Variants in FANCI observed in about 807,000 individuals in gnomAD.
FANCI encodes the protein Fanconi anemia group I protein.
In FANCI, 156 loss-of-function variants were observed where a neutral mutation model predicts 176.1. That is an observed-to-expected ratio of 0.89 (90% CI 0.78 to 1.01). The LOEUF (loss-of-function observed/expected upper bound fraction) is 1.01. FANCI is among the 50% of genes least tolerant of loss of function. FANCI has a pLI of 0.00. For synonymous variants in FANCI, 613 were observed against 541.7 expected, an observed-to-expected ratio of 1.13 and a Z score of -1.83; for missense variants, 1,678 against 1,534.1, an observed-to-expected ratio of 1.09 and a Z score of -1.57.
At position 89,300,315 on chromosome 15, in the gene FANCI, AAGG is replaced by A. The variant is rs769118889; in HGVS notation, c.2822_2824del (p.Gly941del). ...CCATTCCTAGATGTCACAGATAAGG[AAGG>A]AGAAGAGAGAGAAGATGCAGATGTC... On this transcript the variant is annotated inframe_deletion, in exon 26 of 38. Coordinates refer to ENST00000310775, the MANE Select transcript of FANCI (RefSeq NM_001113378.2). 56 of 1,613,712 alleles carry A rather than the reference AAGG, an allele frequency of 3.5e-5. No individual in the cohort carries two copies. The highest frequency in any genetic ancestry group is 4.7e-5 in the Non-Finnish European group (55 of 1,179,742).
At chr15:89,272,280 G>A (rs771866463) in intron 10 of FANCI, among the ~76,000 whole-genome samples, 2 of 152,010 alleles carry the variant, frequency 1.3e-5, no homozygotes, top group Admixed American at 6.6e-5. Flanking sequence ...TCTTTTGCCC[G>A]TTTTTTGAGT....
chr15:89,291,854 C>G, intron 20 of FANCI, 140 bp downstream of exon 20: 2 of 711,938 alleles, frequency 2.8e-6, no homozygotes, highest in Non-Finnish European at 4.9e-6. Flanking sequence ...CCCTGCTTAT[C>G]ATTTCTGAAC....
intron 2 of FANCI, among the ~76,000 whole-genome samples, chr15:89,254,793 CAAAG>C (rs1340028692): frequency 3.9e-5 from 6 of 152,084 alleles, no homozygotes; most frequent in African/African-American, 1.2e-4. Context: ...GCCAGGGTGA[CAAAG>C]AAGACTCTGT....
chr15:89,283,265 C>T lies in FANCI; in HGVS notation c.1698+15C>T, dbSNP rs9806604. On this transcript the variant is annotated intron_variant, in intron 17 of 37. Coordinates refer to ENST00000310775, the MANE Select transcript of FANCI (RefSeq NM_001113378.2). The stretch of plus-strand genomic sequence containing the variant: ...GTGTCAGTCAGGTAAGGATTATTTA[C>T]GTTAACTTGCAGTGTGTGCGTATCA... 649,286 of 1,612,664 alleles carry T rather than the reference C, an allele frequency of 0.4. 133,753 individuals are homozygous for T. The highest frequency in any genetic ancestry group is 0.63 in the African/African-American group (46,933 of 74,930).
chr15:89,285,960 A>G (rs2053798017), intron 18 of FANCI, among the ~76,000 whole-genome samples: 1 of 150,702 alleles, frequency 6.6e-6, no homozygotes. Flanking sequence ...TGAGAGACTG[A>G]CTTTCCAAAC....
At chr15:89,284,527 T>A (rs7168723) in intron 17 of FANCI, among the ~76,000 whole-genome samples, 49,481 of 152,126 alleles carry the variant, frequency 0.33, 8,900 homozygotes, top group South Asian at 0.4. Context: ...CCCAAGGTTA[T>A]ATAACCAAGA....
intron 37 of FANCI, 87 bp from the exon 38 acceptor site, chr15:89,316,310 A>AGAT (rs1169336717): frequency 2.4e-5 from 31 of 1,313,346 alleles, no homozygotes; most frequent in Non-Finnish European, 3.0e-5. Flanking sequence ...TTTGATGAGA[A>AGAT]GATAGAGTCT....
intron 1 of FANCI, among the ~76,000 whole-genome samples, chr15:89,246,759 C>CTT (rs1205186189): frequency 5.9e-5 from 7 of 118,104 alleles, no homozygotes; most frequent in Non-Finnish European, 1.2e-4. Context: ...TTCTTTCTTC[C>CTT]TTTCTTTTTT....
chr15:89,267,172 TAGCC>T (rs2052997858), intron 9 of FANCI, among the ~76,000 whole-genome samples: 1 of 151,822 alleles, frequency 6.6e-6, no homozygotes, highest in Non-Finnish European at 1.5e-5. Flanking sequence ...AGTACAAAAA[TAGCC>T]AGGCGCAGTG....
intron 2 of FANCI, among the ~76,000 whole-genome samples, chr15:89,256,577 G>A (rs1247689014): frequency 6.6e-6 from 1 of 152,138 alleles, no homozygotes; most frequent in African/African-American, 2.4e-5. Flanking sequence ...TTTGCTGGCA[G>A]CTGCTTCTCT....
At chr15:89,261,958 C>A in intron 6 of FANCI, 80 bp downstream of exon 6, 1 of 1,297,998 alleles carries the variant, frequency 7.7e-7, no homozygotes, top group Non-Finnish European at 1.1e-6. Flanking sequence ...GAATTTATGT[C>A]TGGAGGTTTT....
At position 89,299,893 on chromosome 15, in the gene FANCI, G is replaced by A; in HGVS notation, c.2730G>A (p.Glu910=). Reference sequence around the variant, plus strand: ...AGAGCATCTCACTGCTGTGCTTGGAGGGTTTACAGAAAATATTCAGTGCTG... The same window carrying A: ...AGAGCATCTCACTGCTGTGCTTGGAAGGTTTACAGAAAATATTCAGTGCTG... The part of the protein sequence containing the change: ...KGKSISLLCL[E]GLQKIFSAVQ... Residue 910 remains glutamate, a synonymous_variant, in exon 25 of 38, where the codon GAG becomes GAA. Coordinates refer to ENST00000310775, the MANE Select transcript of FANCI (RefSeq NM_001113378.2). The A allele has an allele frequency of 6.2e-7, 1 of 1,614,098 alleles. No homozygotes were observed. Among genetic ancestry groups the A allele is most frequent in the East Asian group, 2.2e-5 (1 of 44,868 alleles).
In FANCI at chr15:89,306,649, G is replaced by A. The variant is rs544344062; in HGVS notation, c.3537+455G>A. Among the ~76,000 whole-genome samples the A allele has an allele frequency of 2.6e-5, 4 of 152,140 alleles. No individual in the cohort carries two copies. In the East Asian group the frequency reaches 7.7e-4, roughly 29 times the overall value. ...GGAGGTTGCAGTGAGCTGAGATTGTGCCACTGTACTCCAGCGTTGGCAATA... is the reference window on the plus strand; with the variant it reads ...GGAGGTTGCAGTGAGCTGAGATTGTACCACTGTACTCCAGCGTTGGCAATA... On this transcript the variant is annotated intron_variant, in intron 32 of 37. Transcript: ENST00000310775.
chr15:89,302,830 C>T (rs2054576623), intron 27 of FANCI, among the ~76,000 whole-genome samples: 1 of 152,126 alleles, frequency 6.6e-6, no homozygotes, highest in Admixed American at 6.5e-5. Flanking sequence ...GCCTCGGCCT[C>T]CCAAAGTGCT....
intron 34 of FANCI, among the ~76,000 whole-genome samples, chr15:89,310,324 T>C (rs1269037624): frequency 1.3e-5 from 2 of 152,242 alleles, no homozygotes; most frequent in Admixed American, 6.5e-5. Flanking sequence ...CTATGGGCTA[T>C]AGTCAGTCAA....
At chr15:89,274,093 A>G in intron 11 of FANCI, 75 bp from the exon 12 acceptor site, 2 of 1,111,330 alleles carry the variant, frequency 1.8e-6, no homozygotes, top group African/African-American at 3.2e-5. Flanking sequence ...TTATTTTCTT[A>G]TTTCTTTCAT....
intron 2 of FANCI, among the ~76,000 whole-genome samples, chr15:89,255,949 C>G (rs2052476712): frequency 6.6e-6 from 1 of 152,208 alleles, no homozygotes; most frequent in Non-Finnish European, 1.5e-5. Context: ...TCCCCTTTAT[C>G]TCAGTCCTTT....
intron 37 of FANCI, among the ~76,000 whole-genome samples, chr15:89,315,894 T>G (rs1295388733): frequency 6.6e-6 from 1 of 152,228 alleles, no homozygotes; most frequent in Non-Finnish European, 1.5e-5. Flanking sequence ...ACCCAATGTT[T>G]CCTTACTTCT....
Position 89,305,588 on chromosome 15 carries a change from G to C in FANCI, c.3256-17G>C, listed in dbSNP as rs1449410629. ...AGCTGTGTGTAGTGAATCACACCAG[G>C]CACTCTTTTCTTTCAGTTACTTGTT... On this transcript the variant is annotated splice_polypyrimidine_tract_variant and intron_variant, in intron 30 of 37. Coordinates refer to ENST00000310775, the MANE Select transcript of FANCI (RefSeq NM_001113378.2). 9 of 1,613,044 alleles carry C rather than the reference G, an allele frequency of 5.6e-6. No individual in the cohort carries two copies. Among genetic ancestry groups the C allele is most frequent in the Non-Finnish European group, 6.8e-6 (8 of 1,179,032 alleles).
Sources: allele counts gnomAD v4.1 joint callset (sites outside exome capture counted in the v4.1 genomes callset), GRCh38; gene constraint gnomAD v4.1.1; transcripts MANE v1.5; gene names NCBI Gene and HGNC (gene_info 2026-07-23, HGNC 2026-07-21).